The following PPP4R1 variants were observed in gnomAD, a reference collection of about 807,000 sequenced individuals.
PPP4R1 encodes serine/threonine-protein phosphatase 4 regulatory subunit 1.
PPP4R1 carries 42 observed loss-of-function variants against 111.2 expected under a neutral mutation model. The observed-to-expected ratio is 0.38, with a 90% CI of 0.29 to 0.49. The LOEUF (loss-of-function observed/expected upper bound fraction) is 0.49, where lower values mean the gene tolerates loss of function less well. Ranked by LOEUF, PPP4R1 falls within the 20% of genes least tolerant of loss-of-function variation. The pLI, the probability that PPP4R1 is intolerant of heterozygous loss-of-function variation, is 0.97. For missense variants in PPP4R1, 1,012 were observed against 1,161.6 expected, an observed-to-expected ratio of 0.87 and a Z score of 1.87; for synonymous variants, 409 against 405.5, an observed-to-expected ratio of 1.01 and a Z score of -0.10.
At chr18:9,561,431 C>G (rs1045692942) in intron 13 of PPP4R1, among the ~76,000 whole-genome samples, 9 of 151,890 alleles carry the variant, frequency 5.9e-5, no homozygotes, top group African/African-American at 2.2e-4. Flanking sequence ...TGAAGGAGTC[C>G]TGGTGTGCTC....
chr18:9,559,297 C>T, intron 14 of PPP4R1, 122 bp downstream of exon 14: 1 of 992,436 alleles, frequency 1.0e-6, no homozygotes, highest in Non-Finnish European at 1.4e-6. Context: ...CTCTTCCATA[C>T]ATAATTTCCT....
chr18:9,547,704 A>C lies in PPP4R1; in HGVS notation c.*85T>G, dbSNP rs2066421424. The C allele has an allele frequency of 6.6e-7, 1 of 1,521,896 alleles. No homozygotes were observed. The highest frequency in any genetic ancestry group is 2.3e-5 in the East Asian group (1 of 44,214). The allele number at this position is 1,521,896 out of a possible 1,614,324, so 94.3% of individuals were successfully genotyped here. A position where few individuals can be genotyped will look rare whatever the true frequency, so the allele number is the denominator to read the frequency against. The stretch of plus-strand genomic sequence containing the variant: ...GAGAGGAAGGTCTCTCCTCCCCCGA[A>C]AGCTATCCCAGGTCACATGCGTGGC... On this transcript the variant is annotated 3_prime_UTR_variant, in exon 20 of 20. Coordinates refer to ENST00000400556, the MANE Select transcript of PPP4R1 (RefSeq NM_001042388.3).
Position 9,559,547 on chromosome 18 carries a change from C to T in PPP4R1, c.1900G>A (p.Ala634Thr). 1 of 1,613,286 alleles carries T rather than the reference C, an allele frequency of 6.2e-7. No individual in the cohort carries two copies. Among genetic ancestry groups the T allele is most frequent in the Non-Finnish European group, 8.5e-7 (1 of 1,179,462 alleles). Residue 634 changes from alanine (A) to threonine (T), a missense_variant, in exon 14 of 20, where the codon GCA becomes ACA. Transcript: ENST00000400556. ...GCAATTTCAGTGTCAACCGTCTGTG[C>T]ACGAGAAGGGTCAGTCATAGATAAA... is the stretch of plus-strand genomic sequence containing the variant. Reference protein sequence around the residue: ...QYLSMTDPSRAQTVDTEIAKH... With the variant: ...QYLSMTDPSRTQTVDTEIAKH...
rs1340589891 is a variant in PPP4R1, at chr18:9,583,147, A to G, written c.888T>C (p.Phe296=). The G allele has an allele frequency of 6.2e-7, 1 of 1,611,512 alleles. No homozygotes were observed. The highest frequency in any genetic ancestry group is 8.5e-7 in the Non-Finnish European group (1 of 1,178,202). The change falls in exon 9 of 20, where the codon TTT becomes TTC. Residue 296 remains phenylalanine, a synonymous_variant. Coordinates refer to ENST00000400556, the MANE Select transcript of PPP4R1 (RefSeq NM_001042388.3). ...EIRRTKLSAL[F]INLISDPSRW... ...GTGAAGGATCACTGATCAAATTAAT[A>G]AAAAGTGCTGATAATTTGGTCCGTC...
chr18:9,575,179 G>A (rs952129886), intron 10 of PPP4R1, among the ~76,000 whole-genome samples: 3 of 152,188 alleles, frequency 2.0e-5, no homozygotes, highest in Admixed American at 2.0e-4. Flanking sequence ...TACTTTGTAA[G>A]ACATTTGTTT....
At chr18:9,578,142 G>C (rs562537252) in intron 9 of PPP4R1, among the ~76,000 whole-genome samples, 18 of 152,154 alleles carry the variant, frequency 1.2e-4, no homozygotes, top group Non-Finnish European at 2.1e-4. Context: ...AGGTTTTATG[G>C]AAGGATGGAC....
intron 4 of PPP4R1, among the ~76,000 whole-genome samples, chr18:9,591,884 T>C (rs1178416417): frequency 2.0e-5 from 3 of 152,176 alleles, no homozygotes; most frequent in African/African-American, 7.2e-5. Flanking sequence ...CTGGCCAACA[T>C]GGTGAAACCC....
In PPP4R1 at chr18:9,548,032, A is replaced by T. The variant is rs894647459; in HGVS notation, c.2690-80T>A. On this transcript the variant is annotated intron_variant, in intron 19 of 19. Coordinates refer to ENST00000400556, the MANE Select transcript of PPP4R1 (RefSeq NM_001042388.3). Reference sequence around the variant, plus strand: ...AGTTCCGTCAAGTACGAGTGTAAACAGTTAAACTGGGTATTTCTACAAGTA... The same window carrying T: ...AGTTCCGTCAAGTACGAGTGTAAACTGTTAAACTGGGTATTTCTACAAGTA... 7.1e-6 allele frequency: 10 copies of T among 1,400,416 alleles called. No individual in the cohort carries two copies. In the Admixed American group the frequency reaches 8.1e-5, roughly 11 times the overall value. 86.7% of individuals were successfully genotyped at this position (1,400,416 alleles called of 1,614,324 possible).
intron 4 of PPP4R1, among the ~76,000 whole-genome samples, chr18:9,590,838 G>GA (rs747883737): frequency 1.3e-5 from 2 of 151,912 alleles, no homozygotes; most frequent in Non-Finnish European, 2.9e-5. Context: ...TTTGAGATTG[G>GA]AAAAAATCTC....
At chr18:9,572,620 C>T (rs190817376) in intron 10 of PPP4R1, among the ~76,000 whole-genome samples, 15 of 152,290 alleles carry the variant, frequency 9.8e-5, no homozygotes, top group African/African-American at 2.6e-4. Context: ...TAACAGGAGA[C>T]TTAAAAGGAC....
intron 2 of PPP4R1, among the ~76,000 whole-genome samples, chr18:9,603,074 T>C (rs1028885517): frequency 2.6e-5 from 4 of 152,212 alleles, no homozygotes; most frequent in Non-Finnish European, 5.9e-5. Context: ...ATACAGAATA[T>C]CTGTGTGTGG....
At chr18:9,579,243 G>T (rs115484789) in intron 9 of PPP4R1, among the ~76,000 whole-genome samples, 1 of 152,022 alleles carries the variant, frequency 6.6e-6, no homozygotes, top group African/African-American at 2.4e-5. Flanking sequence ...AAAATAAAGT[G>T]ATTTTAAGCT....
At chr18:9,567,259 T>C (rs574084166) in intron 11 of PPP4R1, among the ~76,000 whole-genome samples, 28 of 152,336 alleles carry the variant, frequency 1.8e-4, no homozygotes, top group African/African-American at 6.3e-4. Context: ...GTGGAGGAAG[T>C]AACTGTAGGT....
intron 2 of PPP4R1, among the ~76,000 whole-genome samples, chr18:9,608,363 A>G (rs1298282246): frequency 6.6e-6 from 1 of 152,190 alleles, no homozygotes; most frequent in East Asian, 1.9e-4. Context: ...CCTACACAAA[A>G]CTATACTGAG....
intron 16 of PPP4R1, chr18:9,551,672 G>A (rs2066490764): frequency 6.6e-6 from 1 of 152,310 alleles, no homozygotes; most frequent in Non-Finnish European, 1.5e-5. Context: ...GGGCCCCAAA[G>A]CCTGTCCACC....
At chr18:9,564,912 T>C (rs529839168) in intron 11 of PPP4R1, among the ~76,000 whole-genome samples, 10 of 151,662 alleles carry the variant, frequency 6.6e-5, no homozygotes, top group African/African-American at 1.7e-4. Flanking sequence ...GGCATGATCA[T>C]AGCTCACTGA....
rs1264288802 is a variant in PPP4R1 at position 9,614,028 on chromosome 18, TC to T, written c.52+197del. 3 of 336,006 alleles carry T rather than the reference TC, an allele frequency of 8.9e-6. No homozygotes were observed. Among genetic ancestry groups the T allele is most frequent in the Non-Finnish European group, 1.0e-5 (2 of 195,320 alleles). The allele number at this position is 336,006 out of a possible 1,614,324, so 20.8% of individuals were successfully genotyped here. A position where few individuals can be genotyped will look rare whatever the true frequency, so the allele number is the denominator to read the frequency against. On this transcript the variant is annotated intron_variant, in intron 2 of 19. Transcript: ENST00000400556. The surrounding 1 kb of genome is among the most constrained non-coding windows in gnomAD (Gnocchi z 4.1). ...TTGGGCGTTACTCCGGGCGTCTCCC[TC>T]CCCCAGCGGAACCTGGGCGCGCCGT...
intron 9 of PPP4R1, among the ~76,000 whole-genome samples, chr18:9,580,351 ATT>A (rs3974279): frequency 0.49 from 71,089 of 146,248 alleles, 16,946 homozygotes; most frequent in Middle Eastern, 0.58. Context: ...TGAGAGTCTA[ATT>A]TTTTTTTTTT....
chr18:9,600,504 C>A (rs1231696642), intron 2 of PPP4R1, among the ~76,000 whole-genome samples: 8 of 152,032 alleles, frequency 5.3e-5, no homozygotes, highest in Non-Finnish European at 1.2e-4. Context: ...ACCAGAGATA[C>A]ATTTTTAAAG....
Sources: allele counts gnomAD v4.1 joint callset (sites outside exome capture counted in the v4.1 genomes callset), GRCh38; gene constraint gnomAD v4.1.1; non-coding constraint Gnocchi (gnomAD v3.1); transcripts MANE v1.5; gene names NCBI Gene and HGNC (gene_info 2026-07-23, HGNC 2026-07-21).